Variants in PTPRD observed in about 807,000 individuals in gnomAD.
The protein encoded by PTPRD is protein tyrosine phosphatase receptor type D, also known as receptor-type tyrosine-protein phosphatase delta.
A neutral mutation model predicts 214.5 loss-of-function variants in PTPRD; 34 were observed. That is an observed-to-expected ratio of 0.16 (90% CI 0.12 to 0.21). The LOEUF (loss-of-function observed/expected upper bound fraction) is 0.21. PTPRD is among the 10% of genes least tolerant of loss of function. The pLI is 1.00. For synonymous variants in PTPRD, 1,128 were observed against 845.7 expected (o/e 1.33, Z -5.79); for missense variants, 2,545 against 2,398.7 (o/e 1.06, Z -1.27).
At chr9:9,566,929 C>T (rs900293114) in intron 8 of PTPRD, among the ~76,000 whole-genome samples, 1 of 152,052 alleles carries the variant, frequency 6.6e-6, no homozygotes, top group Admixed American at 6.6e-5. Flanking sequence ...CAGAGTAAAC[C>T]TTACCTTATG....
intron 12 of PTPRD, among the ~76,000 whole-genome samples, chr9:8,682,279 G>C (rs937340210): frequency 1.3e-5 from 2 of 152,070 alleles, no homozygotes; most frequent in Non-Finnish European, 2.9e-5. Flanking sequence ...ATGAGACTTC[G>C]ACTCCTACCG....
At chr9:8,980,954 G>A (rs77755870) in intron 11 of PTPRD, among the ~76,000 whole-genome samples, 4,365 of 152,146 alleles carry the variant, frequency 0.029, 85 homozygotes, top group Middle Eastern at 0.054. Flanking sequence ...GTATAAAACT[G>A]ACATTGACAT....
chr9:8,574,130 G>A (rs2154240615), intron 14 of PTPRD, among the ~76,000 whole-genome samples: 1 of 151,950 alleles, frequency 6.6e-6, no homozygotes, highest in South Asian at 2.1e-4. Context: ...CACGGAACAT[G>A]CTATGCCATT....
chr9:10,372,881 G>T (rs2154478693), intron 2 of PTPRD, among the ~76,000 whole-genome samples: 1 of 149,372 alleles, frequency 6.7e-6, no homozygotes, highest in South Asian at 2.1e-4. Flanking sequence ...ATGTAGTCTT[G>T]CTCTATCACC....
chr9:8,874,288 C>T (rs2098353592), intron 11 of PTPRD, among the ~76,000 whole-genome samples: 1 of 152,170 alleles, frequency 6.6e-6, no homozygotes, highest in Admixed American at 6.5e-5. Flanking sequence ...TTTTTCTTTT[C>T]AAACCAAGAT....
intron 3 of PTPRD, among the ~76,000 whole-genome samples, chr9:10,273,640 T>C (rs184402877): frequency 3.3e-5 from 5 of 152,220 alleles, no homozygotes; most frequent in Admixed American, 6.5e-5. Context: ...CAGAAATTGA[T>C]AGAAATAGAG....
At chr9:9,366,212 G>C (rs1032817540) in intron 9 of PTPRD, among the ~76,000 whole-genome samples, 2 of 151,466 alleles carry the variant, frequency 1.3e-5, no homozygotes, top group Admixed American at 6.6e-5. Context: ...AGATTTATTA[G>C]GTTGCATAAC....
chr9:8,539,891 A>C (rs2077960019), intron 14 of PTPRD, among the ~76,000 whole-genome samples: 1 of 152,086 alleles, frequency 6.6e-6, no homozygotes, highest in African/African-American at 2.4e-5. Flanking sequence ...GGTGAAACAC[A>C]AGTAAGAACA....
chr9:9,913,871 T>G (rs998389948), intron 5 of PTPRD, among the ~76,000 whole-genome samples: 4 of 152,140 alleles, frequency 2.6e-5, no homozygotes, highest in African/African-American at 7.2e-5. Context: ...TGCCACAGCA[T>G]GTTGCCATCT....
intron 8 of PTPRD, among the ~76,000 whole-genome samples, chr9:9,414,184 C>CA (rs1393898260): frequency 2.6e-5 from 4 of 152,184 alleles, no homozygotes; most frequent in African/African-American, 9.7e-5. Flanking sequence ...GCCTGAAAGG[C>CA]AATAATTCTT....
At chr9:10,610,740 A>T (rs150863893) in intron 2 of PTPRD, among the ~76,000 whole-genome samples, 1 of 152,254 alleles carries the variant, frequency 6.6e-6, no homozygotes, top group East Asian at 1.9e-4. Context: ...ATCTTTCTCA[A>T]ATGATTCCAT....
chr9:8,678,334 T>C (rs1020705685), intron 12 of PTPRD, among the ~76,000 whole-genome samples: 2 of 152,156 alleles, frequency 1.3e-5, no homozygotes, highest in African/African-American at 4.8e-5. Context: ...ACCACGGTTT[T>C]CCAAAAGTTA....
At chr9:9,367,133 C>T (rs1045684629) in intron 9 of PTPRD, among the ~76,000 whole-genome samples, 10 of 151,204 alleles carry the variant, frequency 6.6e-5, no homozygotes, top group East Asian at 2.0e-4. Context: ...ATCAGTGTTA[C>T]GTGGGGTTAT....
intron 42 of PTPRD, 130 bp from the exon 43 acceptor site, chr9:8,339,177 C>G (rs1302896849): frequency 3.3e-6 from 3 of 917,308 alleles, no homozygotes; most frequent in East Asian, 2.9e-5. Flanking sequence ...AAGGCAATTC[C>G]AATTGCATAT....
intron 8 of PTPRD, among the ~76,000 whole-genome samples, chr9:9,412,726 C>A (rs1314146555): frequency 1.3e-5 from 2 of 152,086 alleles, no homozygotes; most frequent in African/African-American, 4.8e-5. Context: ...TTATGGAATT[C>A]TCTGTTCTCA....
chr9:10,200,376 A>G (rs1020857130), intron 3 of PTPRD, among the ~76,000 whole-genome samples: 3 of 152,186 alleles, frequency 2.0e-5, no homozygotes, highest in South Asian at 2.1e-4. Context: ...TGTCACAACT[A>G]TGGAGGAGAG....
At chr9:8,426,606 T>A (rs1458120301) in intron 35 of PTPRD, among the ~76,000 whole-genome samples, 1 of 152,060 alleles carries the variant, frequency 6.6e-6, no homozygotes, top group Non-Finnish European at 1.5e-5. Flanking sequence ...GGCCAATTAG[T>A]TATAGAGAAC....
At chr9:9,012,723 G>C (rs1272218134) in intron 11 of PTPRD, among the ~76,000 whole-genome samples, 1 of 152,114 alleles carries the variant, frequency 6.6e-6, no homozygotes, top group African/African-American at 2.4e-5. Context: ...CCATATGTAT[G>C]TATTTTTGCC....
chr9:8,418,071 A>G (rs2094078397), intron 35 of PTPRD, among the ~76,000 whole-genome samples: 1 of 152,172 alleles, frequency 6.6e-6, no homozygotes, highest in African/African-American at 2.4e-5. Flanking sequence ...TACCAACTCA[A>G]TATAAATATT....
Sources: allele counts gnomAD v4.1 joint callset (sites outside exome capture counted in the v4.1 genomes callset), GRCh38; gene constraint gnomAD v4.1.1; transcripts MANE v1.5; gene names NCBI Gene and HGNC (gene_info 2026-07-23, HGNC 2026-07-21).